Variants in PARD3B observed in about 807,000 individuals in gnomAD.
PARD3B encodes par-3 family cell polarity regulator beta, also known as partitioning defective 3 homolog B.
A neutral mutation model predicts 130.2 loss-of-function variants in PARD3B; 103 were observed. The observed-to-expected ratio is 0.79, with a 90% CI of 0.67 to 0.93. The LOEUF is 0.93. Among genes scored for constraint, PARD3B ranks in the 40% least tolerant of loss-of-function variants. The probability of loss-of-function intolerance (pLI) is 0.00; values close to 1 mark genes in which losing one functional copy is unlikely to be tolerated. For missense variants in PARD3B, 1,609 were observed against 1,499.2 expected (o/e 1.07, Z -1.21); for synonymous variants, 583 against 553.2 (o/e 1.05, Z -0.76).
rs1164403108 is a variant in PARD3B, at chr2:205,616,098, C to T, written c.*285C>T. On this transcript the variant is annotated 3_prime_UTR_variant, in exon 23 of 23. Coordinates refer to ENST00000406610, the MANE Select transcript of PARD3B (RefSeq NM_001302769.2). ...TTGTTCAAATCAGTGAGAGTGGCAA[C>T]GGAACACACAAACAACTAATTATGG... 13 of 395,252 alleles carry T rather than the reference C, an allele frequency of 3.3e-5. No homozygotes were observed. Among genetic ancestry groups the T allele is most frequent in the South Asian group, 4.5e-5 (1 of 22,212 alleles). The allele number at this position is 395,252 out of a possible 1,614,324, so 24.5% of individuals were successfully genotyped here.
intron 15 of PARD3B, among the ~76,000 whole-genome samples, chr2:205,217,346 G>T (rs2037967461): frequency 6.6e-6 from 1 of 152,202 alleles, no homozygotes; most frequent in African/African-American, 2.4e-5. Flanking sequence ...AGTCCTGAGA[G>T]ACTATTATTT....
At chr2:204,570,074 C>T (rs912047127) in intron 1 of PARD3B, among the ~76,000 whole-genome samples, 3 of 152,108 alleles carry the variant, frequency 2.0e-5, no homozygotes, top group Non-Finnish European at 4.4e-5. Context: ...CTGATCATTA[C>T]TGTTGGAGTC....
intron 18 of PARD3B, among the ~76,000 whole-genome samples, chr2:205,335,632 CAA>C (rs984698374): frequency 1.2e-4 from 14 of 114,442 alleles, no homozygotes; most frequent in African/African-American, 3.6e-4. Context: ...AAGACATACA[CAA>C]GACTGGGGAA....
chr2:205,056,685 T>A (rs1699656856), intron 4 of PARD3B, among the ~76,000 whole-genome samples: 2 of 151,970 alleles, frequency 1.3e-5, no homozygotes, highest in South Asian at 2.1e-4. Flanking sequence ...CTCAACAGAT[T>A]TTTCAGACAG....
chr2:204,659,281 A>T (rs936709452), intron 1 of PARD3B, among the ~76,000 whole-genome samples: 3 of 152,166 alleles, frequency 2.0e-5, no homozygotes, highest in African/African-American at 7.2e-5. Context: ...TTCCAGTGAT[A>T]GCCCCAAAGA....
intron 2 of PARD3B, among the ~76,000 whole-genome samples, chr2:204,796,460 C>T (rs1042533609): frequency 1.3e-5 from 2 of 152,186 alleles, no homozygotes; most frequent in Non-Finnish European, 2.9e-5. Context: ...TCCCCTGGGC[C>T]AAGAGGCAAA....
rs2034464142 is a variant in PARD3B at position 205,160,831 on chromosome 2, G to A, written c.1620+1924G>A. Among the ~76,000 whole-genome samples the A allele has an allele frequency of 6.6e-6, 1 of 152,024 alleles. No homozygotes were observed. The highest frequency in any genetic ancestry group is 1.5e-5 in the Non-Finnish European group (1 of 68,012). The stretch of plus-strand genomic sequence containing the variant: ...TTAGACCCTTTAGTGCCTTTCCTGT[G>A]GTCAGATAGCCAGGAATTACTTTAA... On this transcript the variant is annotated intron_variant, in intron 11 of 22. Coordinates refer to ENST00000406610, the MANE Select transcript of PARD3B (RefSeq NM_001302769.2). The surrounding 1 kb of genome is among the most constrained non-coding windows in gnomAD (Gnocchi z 4.0).
At position 205,269,445 on chromosome 2, in the gene PARD3B, GGAGA is replaced by G. The variant is rs562444277; in HGVS notation, c.2185+23628_2185+23631del. ...TTTTCAGGTAATGTCTTAGGAGTAA[GGAGA>G]GAGAAAGCAAAGTTAGTACCTTGTT... On this transcript the variant is annotated intron_variant, in intron 16 of 22. Coordinates refer to ENST00000406610, the MANE Select transcript of PARD3B (RefSeq NM_001302769.2). This position sits in a 1 kb window ranked among gnomAD's most constrained non-coding sequence, Gnocchi z 4.7. Among the ~76,000 whole-genome samples the G allele has an allele frequency of 7.0e-4, 106 of 152,232 alleles. 1 individual carries two copies. Among genetic ancestry groups the G allele is most frequent in the African/African-American group, 2.5e-3 (103 of 41,558 alleles).
At position 205,352,737 on chromosome 2, in the gene PARD3B, A is replaced by G. The variant is rs1156625234; in HGVS notation, c.2631-48276A>G. Among the ~76,000 whole-genome samples, 2 of 152,108 alleles carry G rather than the reference A, an allele frequency of 1.3e-5. No homozygotes were observed. The highest frequency in any genetic ancestry group is 2.4e-5 in the African/African-American group (1 of 41,428). ...CATGCTTTGCACCTAAAGTGTGCTC[A>G]TAACTTTGCAGCCATGAGCCATCCC... On this transcript the variant is annotated intron_variant, in intron 18 of 22. Coordinates refer to ENST00000406610, the MANE Select transcript of PARD3B (RefSeq NM_001302769.2). The surrounding 1 kb of genome is among the most constrained non-coding windows in gnomAD (Gnocchi z 5.2).
At chr2:204,936,070 G>T (rs1688429030) in intron 2 of PARD3B, among the ~76,000 whole-genome samples, 1 of 152,224 alleles carries the variant, frequency 6.6e-6, no homozygotes, top group South Asian at 2.1e-4. Context: ...TAGATAGTCA[G>T]TTTCAGTGGT....
At chr2:205,006,178 G>GTATA in intron 3 of PARD3B, among the ~76,000 whole-genome samples, 1 of 152,262 alleles carries the variant, frequency 6.6e-6, no homozygotes, top group East Asian at 1.9e-4. Flanking sequence ...ATTCCACGGT[G>GTATA]TATATATACC....
At position 205,446,330 on chromosome 2, in the gene PARD3B, T is replaced by G. The variant is rs570126221; in HGVS notation, c.3044+5658T>G. Among the ~76,000 whole-genome samples the G allele has an allele frequency of 3.3e-4, 51 of 152,264 alleles. No homozygotes were observed. The highest frequency in any genetic ancestry group is 7.2e-4 in the Admixed American group (11 of 15,292). On this transcript the variant is annotated intron_variant, in intron 20 of 22. Transcript: ENST00000406610. This position sits in a 1 kb window ranked among gnomAD's most constrained non-coding sequence, Gnocchi z 4.4. ...TGAGGGGAAGAACTCACTGAGGGTT[T>G]TAACGTGAGATATAATCCTGGAATT...
chr2:205,588,111 C>G (rs2054262225), intron 22 of PARD3B, among the ~76,000 whole-genome samples: 1 of 152,198 alleles, frequency 6.6e-6, no homozygotes, highest in South Asian at 2.1e-4. Context: ...AGACATTTCA[C>G]TGTGAAGGTG....
At position 205,160,299 on chromosome 2, in the gene PARD3B, G is replaced by A. The variant is rs1224238894; in HGVS notation, c.1620+1392G>A. ...TTGGGTAGGATTCTGATTCAGGCTGGTGTCTCTTGATCCCACTGTAACTCT... is the reference window on the plus strand; with the variant it reads ...TTGGGTAGGATTCTGATTCAGGCTGATGTCTCTTGATCCCACTGTAACTCT... On this transcript the variant is annotated intron_variant, in intron 11 of 22. Coordinates refer to ENST00000406610, the MANE Select transcript of PARD3B (RefSeq NM_001302769.2). This position sits in a 1 kb window ranked among gnomAD's most constrained non-coding sequence, Gnocchi z 4.0. Among the ~76,000 whole-genome samples the A allele has an allele frequency of 1.3e-5, 2 of 152,172 alleles. No individual in the cohort carries two copies. The highest frequency in any genetic ancestry group is 2.9e-5 in the Non-Finnish European group (2 of 68,032).
chr2:205,085,507 TA>T (rs1435704778), intron 4 of PARD3B, among the ~76,000 whole-genome samples: 1 of 152,044 alleles, frequency 6.6e-6, no homozygotes, highest in Non-Finnish European at 1.5e-5. Context: ...TATTTTTATG[TA>T]AAAATTGTTG....
intron 22 of PARD3B, among the ~76,000 whole-genome samples, chr2:205,581,662 A>G (rs764806892): frequency 3.3e-5 from 5 of 151,762 alleles, no homozygotes; most frequent in African/African-American, 4.8e-5. Context: ...GGATACCTCA[A>G]TTACCCTGAT....
intron 2 of PARD3B, among the ~76,000 whole-genome samples, chr2:204,781,927 G>A (rs1233087113): frequency 8.6e-5 from 13 of 151,984 alleles, no homozygotes; most frequent in South Asian, 2.1e-4. Flanking sequence ...TGTGCTAATA[G>A]TTTTTCCAGC....
chr2:204,765,345 G>A (rs190972155), intron 2 of PARD3B, among the ~76,000 whole-genome samples: 1 of 152,298 alleles, frequency 6.6e-6, no homozygotes, highest in Admixed American at 6.5e-5. Context: ...TTCTTATGCT[G>A]TCTAAAATTG....
intron 2 of PARD3B, among the ~76,000 whole-genome samples, chr2:204,751,968 G>A (rs1171173281): frequency 2.0e-5 from 3 of 151,972 alleles, no homozygotes; most frequent in Non-Finnish European, 4.4e-5. Context: ...TGATGTCAAG[G>A]GCTATGTATT....
Sources: gnomAD v4.1 joint callset for allele counts (sites outside exome capture counted in the v4.1 genomes callset) on GRCh38, gnomAD v4.1.1 for gene constraint, Gnocchi (gnomAD v3.1) non-coding constraint, MANE v1.5 for transcripts, NCBI Gene and HGNC (gene_info 2026-07-23, HGNC 2026-07-21) for gene names.